Variants in IGF2BP3 observed in about 807,000 individuals in gnomAD.
IGF2BP3 encodes the protein insulin like growth factor 2 mRNA binding protein 3.
In IGF2BP3, 9 loss-of-function variants were observed where a neutral mutation model predicts 73.8. The ratio of observed to expected loss-of-function variants is 0.12; its 90% CI spans 0.07 to 0.21. The LOEUF (loss-of-function observed/expected upper bound fraction) is 0.21, where lower values mean the gene tolerates loss of function less well. Among genes scored for constraint, IGF2BP3 ranks in the 10% least tolerant of loss-of-function variants. IGF2BP3 has a pLI of 1.00. For missense variants in IGF2BP3, 542 were observed against 714.0 expected, an observed-to-expected ratio of 0.76 and a Z score of 2.75; for synonymous variants, 258 against 256.7, an observed-to-expected ratio of 1.01 and a Z score of -0.05.
intron 3 of IGF2BP3, among the ~76,000 whole-genome samples, chr7:23,384,107 A>AC (rs1348790090): frequency 6.6e-6 from 1 of 151,562 alleles, no homozygotes; most frequent in African/African-American, 2.4e-5. Context: ...AAAAAAAAAA[A>AC]AAAAAAAAAG....
At chr7:23,319,364 G>C (rs1784075506) in intron 10 of IGF2BP3, 110 bp from the exon 11 acceptor site, 2 of 688,154 alleles carry the variant, frequency 2.9e-6, no homozygotes, top group Non-Finnish European at 5.1e-6. Context: ...TACCAGGAAA[G>C]TTTAAGGAAA....
chr7:23,397,092 A>G lies in IGF2BP3; in HGVS notation c.285+21684T>C, dbSNP rs570320556. On this transcript the variant is annotated intron_variant, in intron 3 of 14. Transcript: ENST00000258729. ...CCCAGAAACCCCATACCTCTGCCTT[A>G]TATTTTAATGAAAAGTATGTCTCCA... Among the ~76,000 whole-genome samples, 7 of 152,316 alleles carry G rather than the reference A, an allele frequency of 4.6e-5. No homozygotes were observed. In the South Asian group the frequency reaches 1.2e-3, roughly 27 times the overall value.
At position 23,312,133 on chromosome 7, in the gene IGF2BP3, T is replaced by G; in HGVS notation, c.*229A>C. Reference sequence around the variant, plus strand: ...TTTCCCTCCCTCCCCCACCCTTTTTTTGTTTGTTTGTTTGTTTGTTTTAAA... The same window carrying G: ...TTTCCCTCCCTCCCCCACCCTTTTTGTGTTTGTTTGTTTGTTTGTTTTAAA... On this transcript the variant is annotated 3_prime_UTR_variant, in exon 15 of 15. Transcript: ENST00000258729. The G allele has an allele frequency of 2.3e-6, 1 of 438,588 alleles. No homozygotes were observed. The highest frequency in any genetic ancestry group is 4.1e-6 in the Non-Finnish European group (1 of 245,616). The allele number at this position is 438,588 out of a possible 1,614,324, so 27.2% of individuals were successfully genotyped here.
chr7:23,391,832 A>C (rs62468246), intron 3 of IGF2BP3, among the ~76,000 whole-genome samples: 11 of 152,356 alleles, frequency 7.2e-5, no homozygotes, highest in Non-Finnish European at 1.3e-4. Context: ...ATGAGTAAGA[A>C]CTTGAGGCAA....
chr7:23,440,391 G>A (rs1006159636), intron 2 of IGF2BP3, among the ~76,000 whole-genome samples: 12 of 152,176 alleles, frequency 7.9e-5, no homozygotes, highest in African/African-American at 1.2e-4. Flanking sequence ...AGCCGAGATC[G>A]TGCCACTGCA....
chr7:23,464,145 C>T (rs1022733856), intron 2 of IGF2BP3, among the ~76,000 whole-genome samples: 1 of 152,196 alleles, frequency 6.6e-6, no homozygotes, highest in South Asian at 2.1e-4. Flanking sequence ...ATCATGTGCC[C>T]TGGCTAATGG....
intron 2 of IGF2BP3, among the ~76,000 whole-genome samples, chr7:23,465,523 T>TA: frequency 6.6e-6 from 1 of 150,916 alleles, no homozygotes; most frequent in African/African-American, 2.4e-5. Context: ...CCTGAAAGGG[T>TA]CCCCCCCCAA....
intron 3 of IGF2BP3, among the ~76,000 whole-genome samples, chr7:23,394,026 T>A (rs552295772): frequency 6.6e-6 from 1 of 152,254 alleles, no homozygotes; most frequent in East Asian, 1.9e-4. Flanking sequence ...CCTACACTTG[T>A]GTATACCATA....
At position 23,347,741 on chromosome 7, in the gene IGF2BP3, G is replaced by C; in HGVS notation, c.684-7C>G. 2 of 1,614,010 alleles carry C rather than the reference G, an allele frequency of 1.2e-6. No homozygotes were observed. Among genetic ancestry groups the C allele is most frequent in the Non-Finnish European group, 8.5e-7 (1 of 1,180,014 alleles). On this transcript the variant is annotated splice_region_variant and splice_polypyrimidine_tract_variant and intron_variant, in intron 6 of 14. Transcript: ENST00000258729. Reference sequence around the variant, plus strand: ...TTTACGGTGGACATCGATTCTGATAGTGGGCGCAAGCAGAGAGGAAAACGA... The same window carrying C: ...TTTACGGTGGACATCGATTCTGATACTGGGCGCAAGCAGAGAGGAAAACGA...
In IGF2BP3 at chr7:23,343,584, T is replaced by C; in HGVS notation, c.1077+134A>G. On this transcript the variant is annotated intron_variant, in intron 9 of 14. Transcript: ENST00000258729. ...TATCTTCCCTACTATCCCAGGGTAC[T>C]TGCTGAGGTGCTAAAAATCAACTAG... 7 of 800,112 alleles carry C rather than the reference T, an allele frequency of 8.7e-6. No individual in the cohort carries two copies. The South Asian group carries it at 1.1e-4, about 13-fold the overall frequency. The allele number at this position is 800,112 out of a possible 1,614,324, so 49.6% of individuals were successfully genotyped here. A position where few individuals can be genotyped will look rare whatever the true frequency, so the allele number is the denominator to read the frequency against.
chr7:23,468,441 G>A, intron 2 of IGF2BP3, 41 bp downstream of exon 2: 1 of 1,604,662 alleles, frequency 6.2e-7, no homozygotes, highest in Non-Finnish European at 8.5e-7. Context: ...CCCAATAACG[G>A]AGTGAGAACA....
intron 10 of IGF2BP3, among the ~76,000 whole-genome samples, chr7:23,329,953 C>T (rs919686248): frequency 6.6e-6 from 1 of 152,170 alleles, no homozygotes; most frequent in Non-Finnish European, 1.5e-5. Flanking sequence ...ATTCATAAAC[C>T]AGTATGAAGC....
At chr7:23,397,362 C>T (rs1486407826) in intron 3 of IGF2BP3, among the ~76,000 whole-genome samples, 4 of 152,176 alleles carry the variant, frequency 2.6e-5, no homozygotes, top group African/African-American at 9.7e-5. Context: ...GACAGAATGG[C>T]CTAAGGCCCA....
intron 10 of IGF2BP3, among the ~76,000 whole-genome samples, chr7:23,341,612 G>A (rs902018170): frequency 2.6e-5 from 4 of 152,222 alleles, no homozygotes; most frequent in African/African-American, 9.6e-5. Context: ...GAAGGTTGCA[G>A]TGAGTCAAGA....
chr7:23,449,554 C>CTTTTTTTTTTTT (rs376571131), intron 2 of IGF2BP3, among the ~76,000 whole-genome samples: 120 of 106,910 alleles, frequency 1.1e-3, no homozygotes, highest in Non-Finnish European at 1.6e-3. Flanking sequence ...TTTTCTTTTT[C>CTTTTTTTTTTTT]TTTTTTTTTT....
At chr7:23,312,522 C>T in intron 14 of IGF2BP3, 62 bp from the exon 15 acceptor site, 1 of 1,167,342 alleles carries the variant, frequency 8.6e-7, no homozygotes, top group Non-Finnish European at 1.3e-6. Context: ...TTATTGTACT[C>T]CTTCATTTCA....
intron 2 of IGF2BP3, among the ~76,000 whole-genome samples, chr7:23,459,792 T>C (rs1027533664): frequency 1.3e-5 from 2 of 151,844 alleles, no homozygotes; most frequent in African/African-American, 2.4e-5. Context: ...GATCATACCA[T>C]TGCACTTCAG....
intron 12 of IGF2BP3, among the ~76,000 whole-genome samples, chr7:23,317,291 A>G (rs975645557): frequency 6.6e-6 from 1 of 152,200 alleles, no homozygotes; most frequent in African/African-American, 2.4e-5. Context: ...ATTCAAGTCT[A>G]GGCAATCTCA....
At chr7:23,362,414 G>C (rs577704615) in intron 3 of IGF2BP3, 1 of 152,210 alleles carries the variant, frequency 6.6e-6, no homozygotes, top group East Asian at 1.9e-4. Context: ...ACCTGGAGTG[G>C]AATTTAAAGC....
Sources: allele counts gnomAD v4.1 joint callset (sites outside exome capture counted in the v4.1 genomes callset), GRCh38; gene constraint gnomAD v4.1.1; transcripts MANE v1.5; gene names NCBI Gene and HGNC (gene_info 2026-07-23, HGNC 2026-07-21).